The following CKLF variants were observed in gnomAD, a reference collection of about 807,000 sequenced individuals.
CKLF encodes the protein chemokine-like factor.
A neutral mutation model predicts 12.9 loss-of-function variants in CKLF; 16 were observed. That is an observed-to-expected ratio of 1.24 (90% CI 0.84 to 1.88). CKLF has a LOEUF of 1.88. Among genes scored for constraint, CKLF ranks in the 40% most tolerant of loss-of-function variants. The pLI is 0.00. For missense variants in CKLF, 172 were observed against 188.5 expected, an observed-to-expected ratio of 0.91 and a Z score of 0.51; for synonymous variants, 61 against 69.0, an observed-to-expected ratio of 0.88 and a Z score of 0.57.
At chr16:66,558,878 G>A (rs2011556333) in intron 2 of CKLF, among the ~76,000 whole-genome samples, 1 of 152,152 alleles carries the variant, frequency 6.6e-6, no homozygotes, top group Non-Finnish European at 1.5e-5. Flanking sequence ...ATAGTATATA[G>A]ACTGTAACCT....
intron 2 of CKLF, 61 bp downstream of exon 2, chr16:66,558,409 G>T: frequency 6.4e-7 from 1 of 1,559,772 alleles, no homozygotes; most frequent in South Asian, 1.2e-5. Flanking sequence ...ATATTCTAAT[G>T]AACTCTGTTT....
intron 3 of CKLF, among the ~76,000 whole-genome samples, chr16:66,563,516 G>A (rs575191392): frequency 6.6e-6 from 1 of 152,322 alleles, no homozygotes; most frequent in South Asian, 2.1e-4. Context: ...ACAGCACTTA[G>A]CTCTGAGAAA....
intron 1 of CKLF, among the ~76,000 whole-genome samples, chr16:66,557,456 C>G (rs895193372): frequency 5.3e-5 from 8 of 152,350 alleles, no homozygotes; most frequent in African/African-American, 1.9e-4. Context: ...GCATGAGCCA[C>G]CGCGCCCACC....
At position 66,563,174 on chromosome 16, in the gene CKLF, TG is replaced by T; in HGVS notation, c.292del (p.Ala98HisfsTer2). The T allele has an allele frequency of 1.2e-6, 2 of 1,614,218 alleles. No individual in the cohort carries two copies. Among genetic ancestry groups the T allele is most frequent in the South Asian group, 2.2e-5 (2 of 91,084 alleles). On this transcript the variant is annotated frameshift_variant, in exon 3 of 4. Transcript: ENST00000264001. LOFTEE classifies it low-confidence loss of function (END_TRUNC). ...GTATTCATGCTCATCGTATCTGTGT[TG>T]GCACTGATACCAGAAACCACAACAT... is the stretch of plus-strand genomic sequence containing the variant. ...TTVFMLIVSV[L>X]ALIPETTTLT...
At chr16:66,560,260 G>A (rs935116628) in intron 2 of CKLF, among the ~76,000 whole-genome samples, 8 of 152,192 alleles carry the variant, frequency 5.3e-5, no homozygotes, top group Non-Finnish European at 8.8e-5. Context: ...GTATTGAGTT[G>A]TGAACAAGAG....
chr16:66,558,158 C>T, intron 1 of CKLF, 32 bp from the exon 2 acceptor site: 5 of 1,598,772 alleles, frequency 3.1e-6, no homozygotes, highest in Non-Finnish European at 4.2e-6. Flanking sequence ...ATTCAGTTGT[C>T]ACTGAATAAA....
At chr16:66,555,657 G>A (rs2011412760) in intron 1 of CKLF, among the ~76,000 whole-genome samples, 1 of 152,202 alleles carries the variant, frequency 6.6e-6, no homozygotes, top group Non-Finnish European at 1.5e-5. Context: ...GCCAAATTGT[G>A]GAAGATCTTG....
chr16:66,552,904 C>A, intron 1 of CKLF, 111 bp downstream of exon 1: 1 of 1,514,726 alleles, frequency 6.6e-7, no homozygotes, highest in Non-Finnish European at 9.1e-7. Context: ...TCGCTTTGAT[C>A]AAGATTGAAA....
intron 1 of CKLF, among the ~76,000 whole-genome samples, chr16:66,557,577 G>A (rs1032925145): frequency 6.6e-6 from 1 of 152,146 alleles, no homozygotes; most frequent in African/African-American, 2.4e-5. Flanking sequence ...ATAAATGGAT[G>A]GTAAGAAATT....
At chr16:66,566,162 A>AGGGAGCGCT, downstream of CKLF, 1 of 1,582,102 alleles carries the variant, frequency 6.3e-7, no homozygotes, top group Non-Finnish European at 8.6e-7. The surrounding 1 kb of genome is among the most constrained non-coding windows in gnomAD (Gnocchi z 4.9). Flanking sequence ...GTAACTTCCA[A>AGGGAGCGCT]GGGAGCGCTG....
chr16:66,554,218 G>A (rs1310079475), intron 1 of CKLF, among the ~76,000 whole-genome samples: 1 of 152,204 alleles, frequency 6.6e-6, no homozygotes, highest in Admixed American at 6.5e-5. Context: ...CTGACTCATG[G>A]AGTTCTTCAG....
Position 66,552,884 on chromosome 16 carries a change from C to T in CKLF, c.78+91C>T, listed in dbSNP as rs1428477927. 3 of 1,576,744 alleles carry T rather than the reference C, an allele frequency of 1.9e-6. No homozygotes were observed. In the African/African-American group the frequency reaches 4.0e-5, roughly 21 times the overall value. ...AAGTGCAAAGCTGAACGCCTGTTTG[C>T]TTTTCAACCTCGCTTTGATCAAGAT... is the stretch of plus-strand genomic sequence containing the variant. On this transcript the variant is annotated intron_variant, in intron 1 of 3. Coordinates refer to ENST00000264001, the MANE Select transcript of CKLF (RefSeq NM_016951.4).
At position 66,565,870 on chromosome 16, in the gene CKLF, T is replaced by C. The variant is rs2232728; in HGVS notation, c.334-16T>C. ...GGGACCATGGTTAGGGCAGTGACAC[T>C]TGTCTTTCTTTCCAGGTGTTTGCAC... On this transcript the variant is annotated splice_polypyrimidine_tract_variant and intron_variant, in intron 3 of 3. Coordinates refer to ENST00000264001, the MANE Select transcript of CKLF (RefSeq NM_016951.4). 1.2e-6 allele frequency: 2 copies of C among 1,612,492 alleles called. No homozygotes were observed. Among genetic ancestry groups the C allele is most frequent in the African/African-American group, 2.7e-5 (2 of 74,852 alleles).
intron 2 of CKLF, among the ~76,000 whole-genome samples, chr16:66,562,133 GGAAT>G (rs1255343685): frequency 6.6e-6 from 1 of 151,144 alleles, no homozygotes; most frequent in African/African-American, 2.4e-5. Flanking sequence ...CCACCAGGCT[GGAAT>G]GCAGTGGTGC....
chr16:66,565,493 T>G, intron 3 of CKLF: 1 of 185,018 alleles, frequency 5.4e-6, no homozygotes, highest in Non-Finnish European at 1.2e-5. Context: ...CCTTTTCTTC[T>G]GTAGAGTTTG....
chr16:66,561,543 T>A (rs2011718741), intron 2 of CKLF, among the ~76,000 whole-genome samples: 1 of 152,164 alleles, frequency 6.6e-6, no homozygotes, highest in Admixed American at 6.5e-5. Context: ...AAGCCATCTA[T>A]AAACCCTTGC....
chr16:66,558,083 T>C, intron 1 of CKLF, 107 bp from the exon 2 acceptor site: 1 of 1,514,786 alleles, frequency 6.6e-7, no homozygotes, highest in Non-Finnish European at 8.9e-7. Context: ...GCTGGGATTA[T>C]AGGCATGACC....
At chr16:66,564,290 G>A (rs2011975836) in intron 3 of CKLF, among the ~76,000 whole-genome samples, 1 of 152,148 alleles carries the variant, frequency 6.6e-6, no homozygotes, top group Non-Finnish European at 1.5e-5. Flanking sequence ...CACTGGAAAT[G>A]TGGCTAGTCT....
intron 1 of CKLF, 69 bp from the exon 2 acceptor site, chr16:66,558,121 A>G: frequency 1.3e-6 from 2 of 1,582,398 alleles, no homozygotes; most frequent in Non-Finnish European, 1.7e-6. Flanking sequence ...TATTTTAGAA[A>G]TTGTCATTTT....
Sources: gnomAD v4.1 joint callset for allele counts (sites outside exome capture counted in the v4.1 genomes callset) on GRCh38, gnomAD v4.1.1 for gene constraint, Gnocchi (gnomAD v3.1) non-coding constraint, MANE v1.5 for transcripts, NCBI Gene and HGNC (gene_info 2026-07-23, HGNC 2026-07-21) for gene names.